Variants in IPO8 observed in about 807,000 individuals in gnomAD.
IPO8 encodes the protein importin 8, also known as importin-8.
IPO8 carries 65 observed loss-of-function variants against 141.2 expected under a neutral mutation model. The ratio of observed to expected loss-of-function variants is 0.46; its 90% CI spans 0.38 to 0.57. The LOEUF (loss-of-function observed/expected upper bound fraction) is 0.57. IPO8 is among the 20% of genes least tolerant of loss of function. The pLI is 0.00. For synonymous variants in IPO8, 411 were observed against 420.3 expected (o/e 0.98, Z 0.27); for missense variants, 980 against 1,246.8 (o/e 0.79, Z 3.22).
At chr12:30,693,825 G>A (rs2053313155) in intron 1 of IPO8, among the ~76,000 whole-genome samples, 1 of 152,128 alleles carries the variant, frequency 6.6e-6, no homozygotes, top group Admixed American at 6.5e-5. Flanking sequence ...GGACACTATG[G>A]GGCAGGGCAG....
At chr12:30,636,857 G>C (rs755491353) in intron 22 of IPO8, 125 bp downstream of exon 22, 73 of 795,408 alleles carry the variant, frequency 9.2e-5, no homozygotes, top group Non-Finnish European at 1.4e-4. Context: ...CAAAATATTT[G>C]TTATATGTGT....
chr12:30,689,513 T>C (rs1017780556), intron 2 of IPO8, among the ~76,000 whole-genome samples: 2 of 152,324 alleles, frequency 1.3e-5, no homozygotes, highest in African/African-American at 2.4e-5. Flanking sequence ...TTTTCTTTTT[T>C]ATCTTAACCA....
In IPO8 at chr12:30,639,548, T is replaced by C; in HGVS notation, c.2456A>G (p.Asn819Ser). ...ACAATCTGTATCATTCATCCATTGA[T>C]TTATAAACTGTACAGTGATAGGTCC... ...NPGPITVQFINQWMNDTDCFL... is the reference protein window; with the variant it reads ...NPGPITVQFISQWMNDTDCFL... The change falls in exon 21 of 25, where the codon AAT becomes AGT. Residue 819 changes from asparagine to serine, a missense_variant. Physicochemically the swap from Asn to Ser is conservative, Grantham distance 46. Coordinates refer to ENST00000256079, the MANE Select transcript of IPO8 (RefSeq NM_006390.4). The C allele has an allele frequency of 6.2e-7, 1 of 1,613,434 alleles. No individual in the cohort carries two copies. The highest frequency in any genetic ancestry group is 8.5e-7 in the Non-Finnish European group (1 of 1,179,366).
At chr12:30,659,688 AAAAAAAATTC>A (rs2052856079) in intron 16 of IPO8, among the ~76,000 whole-genome samples, 1 of 149,678 alleles carries the variant, frequency 6.7e-6, no homozygotes, top group African/African-American at 2.5e-5. Flanking sequence ...CGTCTCTAAT[AAAAAAAATTC>A]AAAAAAATTA....
In IPO8 at chr12:30,641,493, C is replaced by CTTTTTTTTT. The variant is rs58656525; in HGVS notation, c.2269-1767_2269-1759dup. 8.8e-4 allele frequency among the ~76,000 whole-genome samples: 119 copies of CTTTTTTTTT among 135,000 alleles called. 2 individuals carry two copies. The highest frequency in any genetic ancestry group is 1.4e-3 in the East Asian group (6 of 4,256). 88.6% of individuals were successfully genotyped at this position (135,000 alleles called of 152,430 possible). A position where few individuals can be genotyped will look rare whatever the true frequency, so the allele number is the denominator to read the frequency against. On this transcript the variant is annotated intron_variant, in intron 20 of 24. Transcript: ENST00000256079. ...CCGTTACCAAAAAATTAAGCTATTT[C>CTTTTTTTTT]TTTTTTTTTTTTTTTTTTCTTTTTT...
At chr12:30,664,161 C>T (rs2052928743) in intron 13 of IPO8, among the ~76,000 whole-genome samples, 1 of 152,126 alleles carries the variant, frequency 6.6e-6, no homozygotes, top group Admixed American at 6.6e-5. Flanking sequence ...TCTCTGTGTG[C>T]ATCAAACACA....
At chr12:30,684,532 G>T in intron 2 of IPO8, 75 bp from the exon 3 acceptor site, 1 of 1,417,698 alleles carries the variant, frequency 7.1e-7, no homozygotes, top group Non-Finnish European at 9.8e-7. Context: ...GAGCATGAAA[G>T]TCCAAACCCT....
At chr12:30,660,856 G>A (rs1372114036) in intron 16 of IPO8, among the ~76,000 whole-genome samples, 1 of 151,806 alleles carries the variant, frequency 6.6e-6, no homozygotes, top group Non-Finnish European at 1.5e-5. Context: ...CAAGAACCTA[G>A]CCTGGCACAT....
At position 30,656,739 on chromosome 12, in the gene IPO8, C is replaced by T. The variant is rs769482169; in HGVS notation, c.1893G>A (p.Gln631=). 1 of 1,505,600 alleles carries T rather than the reference C, an allele frequency of 6.6e-7. No homozygotes were observed. Among genetic ancestry groups the T allele is most frequent in the South Asian group, 1.3e-5 (1 of 78,798 alleles). 93.3% of individuals were successfully genotyped at this position (1,505,600 alleles called of 1,614,324 possible). ...VVEDHKEITQ[Q]LENICLRIID... ...TGATCCGTAGACAGATATTCTCTAACTGCTGGGTAATCTAAAGATAAATGT... is the reference window on the plus strand; with the variant it reads ...TGATCCGTAGACAGATATTCTCTAATTGCTGGGTAATCTAAAGATAAATGT... Residue 631 remains glutamine (Q), a synonymous_variant, in exon 17 of 25, where the codon CAG becomes CAA. Coordinates refer to ENST00000256079, the MANE Select transcript of IPO8 (RefSeq NM_006390.4).
intron 5 of IPO8, among the ~76,000 whole-genome samples, chr12:30,678,882 C>G (rs1213200383): frequency 6.6e-6 from 1 of 152,172 alleles, no homozygotes; most frequent in Non-Finnish European, 1.5e-5. Flanking sequence ...CTCTGTCACC[C>G]AGGCTGCAGT....
At chr12:30,680,453 CAT>C in intron 5 of IPO8, 27 bp downstream of exon 5, 1 of 1,578,240 alleles carries the variant, frequency 6.3e-7, no homozygotes. Context: ...TACAGGACTC[CAT>C]GTTTGTTTTC....
In IPO8 at chr12:30,681,785, A is replaced by C; in HGVS notation, c.356T>G (p.Ile119Arg). The C allele has an allele frequency of 6.2e-7, 1 of 1,613,736 alleles. No individual in the cohort carries two copies. The highest frequency in any genetic ancestry group is 8.5e-7 in the Non-Finnish European group (1 of 1,179,694). Reference protein sequence around the residue: ...VQLTMCLRAIIKHDFPGHWPG... With the variant: ...VQLTMCLRAIRKHDFPGHWPG... ...CCAGTGACCAGGAAAATCATGTTTT[A>C]TGATGGCACGGAGACACATTGTTAA... Residue 119 changes from isoleucine to arginine, a missense_variant, in exon 4 of 25, where the codon ATA (isoleucine) becomes AGA (arginine). Ile to Arg is a moderately conservative substitution (Grantham distance 97, BLOSUM62 -3). Around this residue, in one of 3 missense-constraint regions of IPO8, gnomAD observed 924 missense variants for 1,153.9 expected, o/e 0.80. Coordinates refer to ENST00000256079, the MANE Select transcript of IPO8 (RefSeq NM_006390.4).
At position 30,695,832 on chromosome 12, in the gene IPO8, T is replaced by C; in HGVS notation, c.-185A>G. The C allele has an allele frequency of 5.7e-6, 3 of 525,104 alleles. No individual in the cohort carries two copies. Among genetic ancestry groups the C allele is most frequent in the Non-Finnish European group, 1.0e-5 (3 of 293,294 alleles). The allele number at this position is 525,104 out of a possible 1,614,324, so 32.5% of individuals were successfully genotyped here. A position where few individuals can be genotyped will look rare whatever the true frequency, so the allele number is the denominator to read the frequency against. On this transcript the variant is annotated 5_prime_UTR_variant, in exon 1 of 25. Coordinates refer to ENST00000256079, the MANE Select transcript of IPO8 (RefSeq NM_006390.4). This position sits in a 1 kb window ranked among gnomAD's most constrained non-coding sequence, Gnocchi z 4.2. Reference sequence around the variant, plus strand: ...GACTCCGCGCCCCCTGTCCTCCCTTTTTCCCCCCCACAACTCGCTCTCCAT... The same window carrying C: ...GACTCCGCGCCCCCTGTCCTCCCTTCTTCCCCCCCACAACTCGCTCTCCAT...
chr12:30,659,963 C>G (rs1422140479), intron 16 of IPO8, among the ~76,000 whole-genome samples: 1 of 152,018 alleles, frequency 6.6e-6, no homozygotes, highest in African/African-American at 2.4e-5. Context: ...CGGCTCATGC[C>G]TTTAATCCCA....
chr12:30,669,306 C>A (rs7955420), intron 9 of IPO8, 24 bp from the exon 10 acceptor site: 470,197 of 1,026,134 alleles, frequency 0.46, 80,092 homozygotes, highest in African/African-American at 0.59. Context: ...AAAAAAAAAA[C>A]GTAACAAATG....
Position 30,639,518 on chromosome 12 carries a change from A to T in IPO8, c.2486T>A (p.Leu829His), listed in dbSNP as rs538132238. ...NQWMNDTDCF[L>H]GHHDRKMCII... ...GTAAAATCCAAAAGACACATACCCA[A>T]GAAAACAATCTGTATCATTCATCCA... Residue 829 changes from leucine to histidine, a missense_variant, in exon 21 of 25, where the codon CTT becomes CAT. Leu to His is a moderately conservative substitution (Grantham distance 99, BLOSUM62 -3). Transcript: ENST00000256079. The T allele has an allele frequency of 1.9e-6, 3 of 1,608,358 alleles. No homozygotes were observed. The highest frequency in any genetic ancestry group is 2.6e-6 in the Non-Finnish European group (3 of 1,174,768).
intron 8 of IPO8, 96 bp from the exon 9 acceptor site, chr12:30,671,192 A>T: frequency 1.4e-6 from 1 of 730,254 alleles, no homozygotes; most frequent in Non-Finnish European, 2.3e-6. Context: ...CAGAATCCAT[A>T]GAAAAATAAA....
At chr12:30,633,106 T>C (rs1376807009) in intron 23 of IPO8, among the ~76,000 whole-genome samples, 3 of 152,248 alleles carry the variant, frequency 2.0e-5, no homozygotes, top group Non-Finnish European at 4.4e-5. Context: ...TTTCCCATGC[T>C]TTGGAATATA....
intron 5 of IPO8, among the ~76,000 whole-genome samples, chr12:30,678,863 G>A (rs959535328): frequency 5.3e-5 from 8 of 152,054 alleles, no homozygotes; most frequent in East Asian, 1.9e-4. Context: ...TATTTGAGGC[G>A]GAGTCTCGCT....
Sources: gnomAD v4.1 joint callset for allele counts (sites outside exome capture counted in the v4.1 genomes callset) on GRCh38, gnomAD v4.1.1 for gene constraint, gnomAD v4.1.1 regional missense constraint, Gnocchi (gnomAD v3.1) non-coding constraint, MANE v1.5 for transcripts, NCBI Gene and HGNC (gene_info 2026-07-23, HGNC 2026-07-21) for gene names.